Variants in ACTN1 observed in about 807,000 individuals in gnomAD.
ACTN1 encodes actinin alpha 1.
A neutral mutation model predicts 119.6 loss-of-function variants in ACTN1; 30 were observed. The ratio of observed to expected loss-of-function variants is 0.25; its 90% CI spans 0.19 to 0.34. The LOEUF (loss-of-function observed/expected upper bound fraction) is 0.34. Ranked by LOEUF, ACTN1 falls within the 10% of genes least tolerant of loss-of-function variation. The probability of loss-of-function intolerance (pLI) is 1.00; values close to 1 mark genes in which losing one functional copy is unlikely to be tolerated. For missense variants in ACTN1, 764 were observed against 1,223.4 expected, an observed-to-expected ratio of 0.62 and a Z score of 5.60; for synonymous variants, 429 against 472.6, an observed-to-expected ratio of 0.91 and a Z score of 1.20.
chr14:68,917,568 C>G (rs1033298421), intron 3 of ACTN1, among the ~76,000 whole-genome samples: 9 of 152,176 alleles, frequency 5.9e-5, no homozygotes, highest in Admixed American at 3.3e-4. Flanking sequence ...ATTTTATAAT[C>G]GACATCAATA....
chr14:68,930,780 G>C (rs1462994250), intron 1 of ACTN1, among the ~76,000 whole-genome samples: 1 of 152,214 alleles, frequency 6.6e-6, no homozygotes, highest in Non-Finnish European at 1.5e-5. Context: ...AGGAGTCAAT[G>C]AGACAGTCCA....
chr14:68,901,350 C>G (rs1234582740), intron 8 of ACTN1, among the ~76,000 whole-genome samples: 1 of 149,706 alleles, frequency 6.7e-6, no homozygotes, highest in African/African-American at 2.5e-5. Flanking sequence ...CGGGTTCAAG[C>G]GATTCTCTGG....
intron 1 of ACTN1, among the ~76,000 whole-genome samples, chr14:68,948,810 C>CT (rs1410206435): frequency 2.0e-5 from 3 of 152,200 alleles, no homozygotes; most frequent in Non-Finnish European, 4.4e-5. Context: ...CAACCAGCAG[C>CT]TCTGCTCTCA....
chr14:68,977,530 G>A (rs2037100020), intron 1 of ACTN1: 2 of 196,018 alleles, frequency 1.0e-5, no homozygotes, highest in African/African-American at 4.8e-5. Context: ...CGCGGCCCAG[G>A]TCATCCTGCT....
chr14:68,897,261 G>A (rs189615272), intron 8 of ACTN1, among the ~76,000 whole-genome samples: 32 of 152,336 alleles, frequency 2.1e-4, no homozygotes, highest in Non-Finnish European at 3.4e-4. Context: ...TGGGATTACA[G>A]GTGTGAGCCT....
intron 1 of ACTN1, among the ~76,000 whole-genome samples, chr14:68,927,460 C>G (rs1036852344): frequency 1.3e-5 from 2 of 152,234 alleles, no homozygotes; most frequent in African/African-American, 4.8e-5. Context: ...AAGTCCCTGC[C>G]TCTGTGCAGC....
Position 68,925,785 on chromosome 14 carries a change from T to TC in ACTN1, c.106-114dup, listed in dbSNP as rs2034894526. The TC allele has an allele frequency of 1.4e-6, 1 of 727,308 alleles. No individual in the cohort carries two copies. Among genetic ancestry groups the TC allele is most frequent in the Admixed American group, 2.7e-5 (1 of 37,512 alleles). The allele number at this position is 727,308 out of a possible 1,614,324, so 45.1% of individuals were successfully genotyped here. A position where few individuals can be genotyped will look rare whatever the true frequency, so the allele number is the denominator to read the frequency against. On this transcript the variant is annotated intron_variant, in intron 1 of 21. Coordinates refer to ENST00000394419, the MANE Select transcript of ACTN1 (RefSeq NM_001130004.2). The surrounding 1 kb of genome is among the most constrained non-coding windows in gnomAD (Gnocchi z 4.3). ...AGGTGGACACCTACTCAGCAGAGCCTCTCAACACAGTTGCCCCACCATGGT... is the reference window on the plus strand; with the variant it reads ...AGGTGGACACCTACTCAGCAGAGCCTCCTCAACACAGTTGCCCCACCATGGT...
At chr14:68,897,635 A>G (rs11158772) in intron 8 of ACTN1, among the ~76,000 whole-genome samples, 21,942 of 152,162 alleles carry the variant, frequency 0.14, 1,801 homozygotes, top group African/African-American at 0.21. Context: ...CATCTATGTC[A>G]TCTGTAGCCA....
chr14:68,877,005 C>T (rs2030974281), intron 21 of ACTN1, 77 bp downstream of exon 21: 1 of 1,546,904 alleles, frequency 6.5e-7, no homozygotes, highest in Non-Finnish European at 8.8e-7. Flanking sequence ...AGTTCATGTT[C>T]CAGCTCTCAC....
At chr14:68,906,357 A>G (rs1361779002) in intron 6 of ACTN1, among the ~76,000 whole-genome samples, 1 of 152,190 alleles carries the variant, frequency 6.6e-6, no homozygotes, top group Non-Finnish European at 1.5e-5. Context: ...ACTAACCTAA[A>G]GCAAGCTGGT....
intron 3 of ACTN1, among the ~76,000 whole-genome samples, chr14:68,917,483 G>C (rs1594810617): frequency 1.3e-5 from 2 of 152,220 alleles, no homozygotes; most frequent in Admixed American, 6.5e-5. Context: ...CAGCAGCCCA[G>C]GATGGACAAC....
chr14:68,884,337 G>A, intron 13 of ACTN1, 29 bp from the exon 14 acceptor site: 4 of 1,601,022 alleles, frequency 2.5e-6, no homozygotes, highest in Non-Finnish European at 3.4e-6. Context: ...GTAAGGGTTA[G>A]TACAGTGATG....
At position 68,880,836 on chromosome 14, in the gene ACTN1, T is replaced by C; in HGVS notation, c.2107A>G (p.Asn703Asp). Residue 703 changes from asparagine to aspartate, a missense_variant, in exon 17 of 22, where the codon AAC becomes GAC. Transcript: ENST00000394419. This position sits in a 1 kb window ranked among gnomAD's most constrained non-coding sequence, Gnocchi z 4.6. Reference sequence around the variant, plus strand: ...TCCATGGTGTAGTTGGTGTGCTTGTTGTCGAAGATGAGCGCCTCCTGGATG... The same window carrying C: ...TCCATGGTGTAGTTGGTGTGCTTGTCGTCGAAGATGAGCGCCTCCTGGATG... ...QLIQEALIFDNKHTNYTMEHI... is the reference protein window; with the variant it reads ...QLIQEALIFDDKHTNYTMEHI... 6.2e-7 allele frequency: 1 copy of C among 1,614,138 alleles called. No individual in the cohort carries two copies. Among genetic ancestry groups the C allele is most frequent in the Middle Eastern group, 1.7e-4 (1 of 6,058 alleles).
chr14:68,881,936 C>CTTTTTTTTTTTTTTTTTTTTTTTT (rs781067137), intron 16 of ACTN1, among the ~76,000 whole-genome samples: 11 of 58,394 alleles, frequency 1.9e-4, no homozygotes, highest in Non-Finnish European at 2.7e-4. Context: ...TAGGCAGCTT[C>CTTTTTTTTTTTTTTTTTTTTTTTT]TTTTTTTTTT....
Position 68,882,353 on chromosome 14 carries a change from G to A in ACTN1, c.1953+105C>T. On this transcript the variant is annotated intron_variant, in intron 16 of 21. Transcript: ENST00000394419. This position sits in a 1 kb window ranked among gnomAD's most constrained non-coding sequence, Gnocchi z 4.5. Reference sequence around the variant, plus strand: ...GACCCACGGTGGGCTCCGGGCCTCAGTCCTCCATGGGTCCCACCCAGGGAG... The same window carrying A: ...GACCCACGGTGGGCTCCGGGCCTCAATCCTCCATGGGTCCCACCCAGGGAG... 2 of 1,498,146 alleles carry A rather than the reference G, an allele frequency of 1.3e-6. No homozygotes were observed. The highest frequency in any genetic ancestry group is 1.9e-5 in the Admixed American group (1 of 51,466). The allele number at this position is 1,498,146 out of a possible 1,614,324, so 92.8% of individuals were successfully genotyped here.
intron 1 of ACTN1, among the ~76,000 whole-genome samples, chr14:68,944,582 T>G (rs1443487470): frequency 1.3e-5 from 2 of 152,182 alleles, no homozygotes; most frequent in Non-Finnish European, 2.9e-5. Context: ...TGCGTGTATT[T>G]TTGTACACTA....
At position 68,902,426 on chromosome 14, in the gene ACTN1, G is replaced by A. The variant is rs370067837; in HGVS notation, c.762+51C>T. ...AGGCGGGCAGGAGGACATGGTTTGG[G>A]GTCCAGCAGGAGGTGTGCTGGGCAT... On this transcript the variant is annotated intron_variant, in intron 8 of 21. Coordinates refer to ENST00000394419, the MANE Select transcript of ACTN1 (RefSeq NM_001130004.2). The A allele has an allele frequency of 6.9e-5, 101 of 1,474,272 alleles. No individual in the cohort carries two copies. The Middle Eastern group carries it at 7.3e-4, about 11-fold the overall frequency. 91.3% of individuals were successfully genotyped at this position (1,474,272 alleles called of 1,614,324 possible). A position where few individuals can be genotyped will look rare whatever the true frequency, so the allele number is the denominator to read the frequency against.
intron 8 of ACTN1, among the ~76,000 whole-genome samples, chr14:68,899,488 TAC>T (rs1459083405): frequency 8.7e-6 from 1 of 115,552 alleles, no homozygotes; most frequent in Non-Finnish European, 1.8e-5. Flanking sequence ...ACACTCCCCA[TAC>T]ACACCTCACA....
In ACTN1 at chr14:68,920,990, C is replaced by G. The variant is rs759121869; in HGVS notation, c.340+16G>C. ...AGAAAATCAGGCTCCTTGGGGCCAC[C>G]AGAGGTAGGCCTTACCTTCGGCTCC... On this transcript the variant is annotated intron_variant, in intron 3 of 21. Transcript: ENST00000394419. The G allele has an allele frequency of 9.3e-6, 15 of 1,613,360 alleles. No individual in the cohort carries two copies. In the South Asian group the frequency reaches 1.2e-4, roughly 13 times the overall value.
Sources: allele counts gnomAD v4.1 joint callset (sites outside exome capture counted in the v4.1 genomes callset), GRCh38; gene constraint gnomAD v4.1.1; non-coding constraint Gnocchi (gnomAD v3.1); transcripts MANE v1.5; gene names NCBI Gene and HGNC (gene_info 2026-07-23, HGNC 2026-07-21).